NLGN1: variants seen among roughly 807,000 people sequenced by gnomAD.
NLGN1 encodes the protein neuroligin-1.
NLGN1 carries 12 observed loss-of-function variants against 65.5 expected under a neutral mutation model. The observed-to-expected ratio is 0.18, with a 90% CI of 0.12 to 0.30. The LOEUF is 0.30. NLGN1 is among the 10% of genes least tolerant of loss of function. The pLI, the probability that NLGN1 is intolerant of heterozygous loss-of-function variation, is 1.00. For missense variants in NLGN1, 750 were observed against 1,007.1 expected (o/e 0.74, Z 3.46); for synonymous variants, 350 against 359.5 (o/e 0.97, Z 0.30).
At chr3:173,444,858 A>G (rs1056118526) in intron 2 of NLGN1, among the ~76,000 whole-genome samples, 1 of 152,020 alleles carries the variant, frequency 6.6e-6, no homozygotes, top group Non-Finnish European at 1.5e-5. Flanking sequence ...ATACACACAT[A>G]CTCACACACA....
intron 2 of NLGN1, among the ~76,000 whole-genome samples, chr3:173,486,496 G>T (rs988786364): frequency 1.3e-5 from 2 of 152,132 alleles, no homozygotes; most frequent in East Asian, 3.9e-4. Flanking sequence ...TGGAGCAAAC[G>T]CTGTGGAGAA....
downstream of NLGN1, chr3:174,286,748 T>C (rs975177411): frequency 7.9e-5 from 12 of 151,586 alleles, no homozygotes; most frequent in Non-Finnish European, 1.6e-4. Context: ...TTGTATTGCT[T>C]CCACACTGCT....
intron 4 of NLGN1, among the ~76,000 whole-genome samples, chr3:174,093,319 A>G (rs1022729878): frequency 6.6e-6 from 1 of 152,228 alleles, no homozygotes; most frequent in Non-Finnish European, 1.5e-5. Context: ...TAATAAAGAT[A>G]CCTGTTTACA....
intron 4 of NLGN1, among the ~76,000 whole-genome samples, chr3:174,270,686 A>C (rs970405532): frequency 1.1e-4 from 17 of 151,758 alleles, no homozygotes; most frequent in Non-Finnish European, 2.4e-4. Flanking sequence ...CAAGGGTCTA[A>C]GAAGAAAAGA....
At chr3:174,028,751 G>T (rs1185827700) in intron 4 of NLGN1, among the ~76,000 whole-genome samples, 1 of 152,208 alleles carries the variant, frequency 6.6e-6, no homozygotes, top group African/African-American at 2.4e-5. Context: ...CATAAGTCAT[G>T]AGGAGTCAAA....
chr3:173,421,046 T>C (rs551171453), intron 1 of NLGN1, among the ~76,000 whole-genome samples: 1 of 152,314 alleles, frequency 6.6e-6, no homozygotes, highest in South Asian at 2.1e-4. Flanking sequence ...GTGTTTCTTC[T>C]AAGTGTATTG....
chr3:173,568,197 T>TCTTTCCTTTC (rs138776975), intron 2 of NLGN1, among the ~76,000 whole-genome samples: 3 of 150,780 alleles, frequency 2.0e-5, no homozygotes, highest in African/African-American at 7.3e-5. Context: ...CCTTTTCTTT[T>TCTTTCCTTTC]CTTTCCTTTC....
intron 3 of NLGN1, among the ~76,000 whole-genome samples, chr3:173,756,746 C>A (rs1777187238): frequency 7.4e-6 from 1 of 135,080 alleles, no homozygotes. Context: ...AAAGAAGATA[C>A]AAAGACTAAT....
chr3:173,626,187 A>G (rs1156357127), intron 3 of NLGN1, among the ~76,000 whole-genome samples: 1 of 152,028 alleles, frequency 6.6e-6, no homozygotes, highest in African/African-American at 2.4e-5. Flanking sequence ...AACTAATTTG[A>G]TTTAATTTTA....
chr3:173,883,156 C>A (rs888393318), intron 4 of NLGN1, among the ~76,000 whole-genome samples: 1 of 150,950 alleles, frequency 6.6e-6, no homozygotes, highest in South Asian at 2.1e-4. Context: ...TTAATCATTT[C>A]TAGGTTTTGA....
At chr3:174,179,400 ATATTGCAG>A (rs1391351444) in intron 4 of NLGN1, among the ~76,000 whole-genome samples, 2 of 152,118 alleles carry the variant, frequency 1.3e-5, no homozygotes. Context: ...GATAGAAAAT[ATATTGCAG>A]TATTGCAATA....
intron 2 of NLGN1, among the ~76,000 whole-genome samples, chr3:173,514,142 CAT>C: frequency 6.6e-6 from 1 of 152,254 alleles, no homozygotes; most frequent in African/African-American, 2.4e-5. Context: ...CTGAATGAAT[CAT>C]ATGAGATTTA....
At chr3:173,486,094 C>T (rs1973790) in intron 2 of NLGN1, among the ~76,000 whole-genome samples, 71,621 of 151,900 alleles carry the variant, frequency 0.47, 19,335 homozygotes, top group East Asian at 0.81. Flanking sequence ...GCCCAGGCTG[C>T]AGTACAGTGG....
intron 4 of NLGN1, among the ~76,000 whole-genome samples, chr3:174,050,357 G>A (rs1349842718): frequency 6.6e-6 from 1 of 151,900 alleles, no homozygotes; most frequent in African/African-American, 2.4e-5. Context: ...CAATAGCCAT[G>A]AAAAGAAAGA....
intron 4 of NLGN1, among the ~76,000 whole-genome samples, chr3:173,837,297 A>C (rs1723815248): frequency 6.6e-6 from 1 of 152,168 alleles, no homozygotes; most frequent in Admixed American, 6.6e-5. Context: ...ATATAAAATT[A>C]AGTAAAATCA....
At chr3:174,049,062 A>G (rs1224549010) in intron 4 of NLGN1, among the ~76,000 whole-genome samples, 1 of 152,050 alleles carries the variant, frequency 6.6e-6, no homozygotes, top group East Asian at 1.9e-4. Context: ...AAGTAAAAAA[A>G]TTAAAAATTA....
At chr3:173,795,460 T>A (rs78593790) in intron 3 of NLGN1, among the ~76,000 whole-genome samples, 2 of 152,170 alleles carry the variant, frequency 1.3e-5, no homozygotes, top group Non-Finnish European at 2.9e-5. Context: ...ATAAATATAG[T>A]AATATCAAAT....
chr3:173,856,670 T>C (rs1296765439), intron 4 of NLGN1, among the ~76,000 whole-genome samples: 3 of 152,100 alleles, frequency 2.0e-5, no homozygotes, highest in Non-Finnish European at 4.4e-5. Context: ...TTGATGATCT[T>C]TCCTAGGGTC....
At chr3:173,754,946 A>G (rs1776870513) in intron 3 of NLGN1, among the ~76,000 whole-genome samples, 1 of 152,144 alleles carries the variant, frequency 6.6e-6, no homozygotes, top group African/African-American at 2.4e-5. Context: ...AGAGTTTACC[A>G]TGAAATGCCA....
Sources: gnomAD v4.1 joint callset for allele counts (sites outside exome capture counted in the v4.1 genomes callset) on GRCh38, gnomAD v4.1.1 for gene constraint, MANE v1.5 for transcripts, NCBI Gene and HGNC (gene_info 2026-07-23, HGNC 2026-07-21) for gene names.